The following CD163L1 variants were observed in gnomAD, a reference collection of about 807,000 sequenced individuals.
CD163L1 encodes the protein scavenger receptor cysteine-rich type 1 protein M160.
CD163L1 carries 124 observed loss-of-function variants against 165.4 expected under a neutral mutation model. That is an observed-to-expected ratio of 0.75 (90% CI 0.65 to 0.87). The LOEUF is 0.87. CD163L1 is among the 40% of genes least tolerant of loss of function. CD163L1 has a pLI of 0.00. For missense variants in CD163L1, 1,525 were observed against 1,799.9 expected, an observed-to-expected ratio of 0.85 and a Z score of 2.76; for synonymous variants, 585 against 662.2, an observed-to-expected ratio of 0.88 and a Z score of 1.79.
intron 18 of CD163L1, among the ~76,000 whole-genome samples, chr12:7,358,969 C>T (rs890882380): frequency 2.0e-5 from 3 of 151,710 alleles, no homozygotes; most frequent in African/African-American, 7.3e-5. Flanking sequence ...TTTAAGGGCT[C>T]ATCAATGGAC....
At chr12:7,381,284 A>G (rs2069515879) in intron 8 of CD163L1, among the ~76,000 whole-genome samples, 1 of 152,192 alleles carries the variant, frequency 6.6e-6, no homozygotes, top group African/African-American at 2.4e-5. Flanking sequence ...GAAGAAAAAT[A>G]TAATTAACGT....
intron 4 of CD163L1, among the ~76,000 whole-genome samples, chr12:7,423,195 A>G (rs926662939): frequency 6.6e-6 from 1 of 152,176 alleles, no homozygotes; most frequent in African/African-American, 2.4e-5. Flanking sequence ...CCACACAACT[A>G]CATGGAAACT....
At chr12:7,419,773 T>A (rs116219361) in intron 4 of CD163L1, among the ~76,000 whole-genome samples, 95 of 151,136 alleles carry the variant, frequency 6.3e-4, no homozygotes, top group African/African-American at 1.8e-3. Flanking sequence ...AAAAAAAAAA[T>A]TTATTATACT....
chr12:7,358,294 T>C (rs1946821768), intron 18 of CD163L1, among the ~76,000 whole-genome samples: 1 of 152,170 alleles, frequency 6.6e-6, no homozygotes, highest in Non-Finnish European at 1.5e-5. Context: ...ATTTTTGTTT[T>C]ACCTTTAGAA....
intron 4 of CD163L1, among the ~76,000 whole-genome samples, chr12:7,419,420 T>C (rs750100391): frequency 2.0e-5 from 3 of 151,774 alleles, no homozygotes; most frequent in Non-Finnish European, 2.9e-5. Flanking sequence ...TGGGGAAACA[T>C]TGAAAGCATT....
intron 4 of CD163L1, among the ~76,000 whole-genome samples, chr12:7,419,248 T>C (rs1948302733): frequency 6.6e-6 from 1 of 151,418 alleles, no homozygotes; most frequent in Non-Finnish European, 1.5e-5. Flanking sequence ...ATAAACAGAA[T>C]TAAAAGCGAA....
intron 4 of CD163L1, among the ~76,000 whole-genome samples, chr12:7,421,522 T>C (rs1270890472): frequency 1.6e-5 from 2 of 122,378 alleles, no homozygotes; most frequent in Non-Finnish European, 3.2e-5. Flanking sequence ...TACATATATG[T>C]ACATATATAC....
Position 7,369,430 on chromosome 12 carries a change from T to C in CD163L1, c.3966A>G (p.Leu1322=), listed in dbSNP as rs994608242. ...CCCAGGGTTTGGCGTGACAGTCCCA[T>C]AGAAATGACTCATTTCCTTTGCACC... ...DMRCKGNESF[L]WDCHAKPWGQ... is the part of the protein sequence containing the mutation. The change falls in exon 15 of 20, where the codon CTA becomes CTG. Residue 1322 remains leucine, a synonymous_variant. Transcript: ENST00000313599. The surrounding 1 kb of genome is among the most constrained non-coding windows in gnomAD (Gnocchi z 4.9). 4.3e-6 allele frequency: 7 copies of C among 1,614,014 alleles called. No homozygotes were observed. The highest frequency in any genetic ancestry group is 2.7e-5 in the African/African-American group (2 of 74,902).
chr12:7,333,284 A>G, the CD163L1 span, among the ~76,000 whole-genome samples: 2 of 152,186 alleles, frequency 1.3e-5, no homozygotes, highest in Non-Finnish European at 2.9e-5. Context: ...AATTATAACA[A>G]ACTGTCTCTC....
the CD163L1 span, among the ~76,000 whole-genome samples, chr12:7,340,482 T>C: frequency 4.1e-4 from 63 of 152,312 alleles, no homozygotes; most frequent in African/African-American, 1.5e-3. Context: ...ATACTTATAG[T>C]TGGAAAAGTG....
At chr12:7,328,224 T>C in the CD163L1 span, 1 of 1,281,222 alleles carries the variant, frequency 7.8e-7, no homozygotes, top group Non-Finnish European at 1.1e-6. Context: ...AGCTCCTTCC[T>C]ATCGCACGGA....
At chr12:7,363,564 TAAATA>T (rs1345799857) in intron 18 of CD163L1, among the ~76,000 whole-genome samples, 3 of 151,626 alleles carry the variant, frequency 2.0e-5, no homozygotes, top group Non-Finnish European at 4.4e-5. Context: ...AAAACTCAAA[TAAATA>T]AAATCAGAAA....
chr12:7,389,602 C>A (rs1156676011), intron 8 of CD163L1, among the ~76,000 whole-genome samples: 1 of 151,848 alleles, frequency 6.6e-6, no homozygotes, highest in Non-Finnish European at 1.5e-5. Context: ...ATTGATAGCA[C>A]AATAGGGTGA....
At chr12:7,353,898 G>A (rs1327735885), downstream of CD163L1, among the ~76,000 whole-genome samples, 1 of 151,814 alleles carries the variant, frequency 6.6e-6, no homozygotes, top group Non-Finnish European at 1.5e-5. Context: ...ATATTAATTG[G>A]CTAGGATTAA....
chr12:7,442,157 A>C (rs1359861709), intron 1 of CD163L1, among the ~76,000 whole-genome samples: 1 of 152,242 alleles, frequency 6.6e-6, no homozygotes, highest in Non-Finnish European at 1.5e-5. Flanking sequence ...AATATTTATC[A>C]TCCTGTTTAC....
Position 7,374,342 on chromosome 12 carries a change from C to T in CD163L1, c.3409+100G>A. The T allele has an allele frequency of 7.8e-7, 1 of 1,276,798 alleles. No individual in the cohort carries two copies. The highest frequency in any genetic ancestry group is 2.3e-5 in the Admixed American group (1 of 43,950). The allele number at this position is 1,276,798 out of a possible 1,614,324, so 79.1% of individuals were successfully genotyped here. On this transcript the variant is annotated intron_variant, in intron 13 of 19. Coordinates refer to ENST00000313599, the MANE Select transcript of CD163L1 (RefSeq NM_174941.6). This position sits in a 1 kb window ranked among gnomAD's most constrained non-coding sequence, Gnocchi z 5.4. ...ACCAAGTGGATTTTTTGTTTGTATT[C>T]CTAGGCCATACACTTTTCACTACAC...
chr12:7,441,060 C>A, intron 2 of CD163L1, 94 bp downstream of exon 2: 1 of 827,448 alleles, frequency 1.2e-6, no homozygotes, highest in South Asian at 1.6e-5. Context: ...TTTACATGTT[C>A]TATTTCCCTC....
rs1474863617 is a variant in CD163L1 at position 7,374,273 on chromosome 12, A to G, written c.3409+169T>C. Among the ~76,000 whole-genome samples, 1 of 152,240 alleles carries G rather than the reference A, an allele frequency of 6.6e-6. No individual in the cohort carries two copies. Among genetic ancestry groups the G allele is most frequent in the Non-Finnish European group, 1.5e-5 (1 of 68,036 alleles). On this transcript the variant is annotated intron_variant, in intron 13 of 19. Transcript: ENST00000313599. The surrounding 1 kb of genome is among the most constrained non-coding windows in gnomAD (Gnocchi z 5.4). ...TGAATGATACCCAGACAAATGTAATATGACAAGGGTATTAAGAAATCAGTA... is the reference window on the plus strand; with the variant it reads ...TGAATGATACCCAGACAAATGTAATGTGACAAGGGTATTAAGAAATCAGTA...
intron 8 of CD163L1, among the ~76,000 whole-genome samples, chr12:7,387,822 C>T (rs1947553449): frequency 6.6e-6 from 1 of 152,162 alleles, no homozygotes; most frequent in Admixed American, 6.5e-5. Flanking sequence ...ATAACCACAG[C>T]AACCCCAAGC....
Sources: allele counts gnomAD v4.1 joint callset (sites outside exome capture counted in the v4.1 genomes callset), GRCh38; gene constraint gnomAD v4.1.1; non-coding constraint Gnocchi (gnomAD v3.1); transcripts MANE v1.5; gene names NCBI Gene and HGNC (gene_info 2026-07-23, HGNC 2026-07-21).